TMEM135: variants seen among roughly 807,000 people sequenced by gnomAD.
The protein encoded by TMEM135 is transmembrane protein 135, also known as peroxisomal membrane protein 52.
TMEM135 carries 30 observed loss-of-function variants against 60.3 expected under a neutral mutation model. The ratio of observed to expected loss-of-function variants is 0.50; its 90% CI spans 0.37 to 0.68. TMEM135 has a LOEUF of 0.68. TMEM135 is among the 30% of genes least tolerant of loss of function. The pLI, the probability that TMEM135 is intolerant of heterozygous loss-of-function variation, is 0.00. For missense variants in TMEM135, 468 were observed against 548.8 expected, an observed-to-expected ratio of 0.85 and a Z score of 1.47; for synonymous variants, 190 against 186.7, an observed-to-expected ratio of 1.02 and a Z score of -0.14.
At chr11:87,301,559 C>T (rs114759149) in intron 7 of TMEM135, among the ~76,000 whole-genome samples, 5,307 of 152,106 alleles carry the variant, frequency 0.035, 92 homozygotes, top group Admixed American at 0.046. Context: ...GCTCAAGTTC[C>T]AGACTTTTAG....
At chr11:87,234,985 A>G (rs946560446) in intron 5 of TMEM135, among the ~76,000 whole-genome samples, 1 of 151,908 alleles carries the variant, frequency 6.6e-6, no homozygotes, top group African/African-American at 2.4e-5. Flanking sequence ...TGCAAGGGGG[A>G]CACTGATTAG....
In TMEM135 at chr11:87,324,517, G is replaced by T. The variant is rs898782499; in HGVS notation, c.*3184G>T. 6.0e-5 allele frequency: 27 copies of T among 453,336 alleles called. No homozygotes were observed. The highest frequency in any genetic ancestry group is 1.1e-4 in the Non-Finnish European group (24 of 226,694). 28.1% of individuals were successfully genotyped at this position (453,336 alleles called of 1,614,324 possible). Reference sequence around the variant, plus strand: ...GCTCATTGAAACCTCAAATTCCTTGGTTCAAGCAATTATTTCCCCTCAGTC... The same window carrying T: ...GCTCATTGAAACCTCAAATTCCTTGTTTCAAGCAATTATTTCCCCTCAGTC... On this transcript the variant is annotated 3_prime_UTR_variant, in exon 15 of 15. Coordinates refer to ENST00000305494, the MANE Select transcript of TMEM135 (RefSeq NM_022918.4).
Position 87,323,383 on chromosome 11 carries a change from A to G in TMEM135, c.*2050A>G, listed in dbSNP as rs896153034. 4.4e-6 allele frequency: 2 copies of G among 453,930 alleles called. No individual in the cohort carries two copies. The highest frequency in any genetic ancestry group is 4.0e-5 in the African/African-American group (2 of 49,998). 28.1% of individuals were successfully genotyped at this position (453,930 alleles called of 1,614,324 possible). On this transcript the variant is annotated 3_prime_UTR_variant, in exon 15 of 15. Transcript: ENST00000305494. The stretch of plus-strand genomic sequence containing the variant: ...GTTTGATTTCATTGGGACAGACTGC[A>G]AAGTGTAGTTGTTTGAGCAAACACA...
chr11:87,101,977 G>T (rs1857468272), intron 4 of TMEM135, among the ~76,000 whole-genome samples: 1 of 151,628 alleles, frequency 6.6e-6, no homozygotes, highest in Admixed American at 6.6e-5. Context: ...CCGTCTCGGG[G>T]AAAAAAAACA....
At chr11:87,177,620 C>G (rs7104793) in intron 5 of TMEM135, among the ~76,000 whole-genome samples, 25,371 of 151,978 alleles carry the variant, frequency 0.17, 2,490 homozygotes, top group African/African-American at 0.27. Context: ...ATATTTGTTG[C>G]TATCACTTCC....
chr11:87,245,944 C>T (rs1445024040), intron 6 of TMEM135, among the ~76,000 whole-genome samples: 2 of 111,308 alleles, frequency 1.8e-5, no homozygotes, highest in East Asian at 2.1e-4. Context: ...TTCTTCCTAG[C>T]CTCAATGGTC....
chr11:87,157,757 TTAAGA>T (rs528392703), intron 5 of TMEM135: 61 of 181,320 alleles, frequency 3.4e-4, no homozygotes, highest in African/African-American at 1.4e-3. Flanking sequence ...TACTTATTTC[TTAAGA>T]TAAAATAATC....
At chr11:87,041,911 G>C (rs866238611) in intron 1 of TMEM135, among the ~76,000 whole-genome samples, 12 of 152,334 alleles carry the variant, frequency 7.9e-5, no homozygotes, top group African/African-American at 2.9e-4. Flanking sequence ...TATACTTCTA[G>C]GTTGTCAAGT....
At chr11:87,171,342 T>G (rs557126447) in intron 5 of TMEM135, among the ~76,000 whole-genome samples, 4 of 151,370 alleles carry the variant, frequency 2.6e-5, no homozygotes, top group Admixed American at 2.0e-4. Flanking sequence ...TGTAGTGTTT[T>G]TTTTTTTTTT....
In TMEM135 at chr11:87,323,403, A is replaced by T. The variant is rs140420534; in HGVS notation, c.*2070A>T. The T allele has an allele frequency of 4.6e-3, 2,085 of 454,050 alleles. 12 individuals carry two copies. The highest frequency in any genetic ancestry group is 6.6e-3 in the Admixed American group (280 of 42,568). The allele number at this position is 454,050 out of a possible 1,614,324, so 28.1% of individuals were successfully genotyped here. A position where few individuals can be genotyped will look rare whatever the true frequency, so the allele number is the denominator to read the frequency against. ...ACTGCAAAGTGTAGTTGTTTGAGCA[A>T]ACACAAAGAAACTTTGTGTTTTTGA... On this transcript the variant is annotated 3_prime_UTR_variant, in exon 15 of 15. Transcript: ENST00000305494.
At chr11:87,274,829 T>TGTGTG (rs61194357) in intron 6 of TMEM135, among the ~76,000 whole-genome samples, 1 of 146,780 alleles carries the variant, frequency 6.8e-6, no homozygotes, top group South Asian at 2.2e-4. Flanking sequence ...TGTGTGTGTG[T>TGTGTG]TTATATATTT....
chr11:87,186,670 T>C (rs1939661932), intron 5 of TMEM135, among the ~76,000 whole-genome samples: 1 of 152,218 alleles, frequency 6.6e-6, no homozygotes, highest in South Asian at 2.1e-4. Context: ...CACATTGTAA[T>C]ACTCATTTAA....
At chr11:87,122,128 T>C (rs1410342775) in intron 4 of TMEM135, among the ~76,000 whole-genome samples, 1 of 152,196 alleles carries the variant, frequency 6.6e-6, no homozygotes, top group Non-Finnish European at 1.5e-5. Flanking sequence ...CATTTTGTAC[T>C]ATTTTCAGGA....
intron 3 of TMEM135, among the ~76,000 whole-genome samples, chr11:87,087,474 G>A (rs1339989836): frequency 6.6e-6 from 1 of 152,132 alleles, no homozygotes; most frequent in African/African-American, 2.4e-5. Flanking sequence ...AGCAGGGTTA[G>A]TCTAAAATGC....
chr11:87,146,239 T>A (rs557136265), intron 4 of TMEM135, among the ~76,000 whole-genome samples: 3 of 152,134 alleles, frequency 2.0e-5, no homozygotes. Context: ...GTGGAAGCCA[T>A]GTGTGGTGGC....
chr11:87,108,541 T>G (rs1857658585), intron 4 of TMEM135, among the ~76,000 whole-genome samples: 1 of 152,128 alleles, frequency 6.6e-6, no homozygotes, highest in South Asian at 2.1e-4. Context: ...CTAGTCTCTA[T>G]TTATTTCTGC....
At chr11:87,078,980 A>G (rs1348912740) in intron 3 of TMEM135, among the ~76,000 whole-genome samples, 1 of 151,672 alleles carries the variant, frequency 6.6e-6, no homozygotes, top group Non-Finnish European at 1.5e-5. Flanking sequence ...TTTAGCTCCA[A>G]GTTTTATTTT....
At position 87,324,270 on chromosome 11, in the gene TMEM135, G is replaced by C. The variant is rs758441267; in HGVS notation, c.*2937G>C. ...ATGTCCTTTACTCTCAGGGAGCTTC[G>C]TCCACTTGCCTGTGTCACAACCTCT... On this transcript the variant is annotated 3_prime_UTR_variant, in exon 15 of 15. Coordinates refer to ENST00000305494, the MANE Select transcript of TMEM135 (RefSeq NM_022918.4). 1 of 453,904 alleles carries C rather than the reference G, an allele frequency of 2.2e-6. No homozygotes were observed. Among genetic ancestry groups the C allele is most frequent in the Admixed American group, 2.4e-5 (1 of 42,552 alleles). The allele number at this position is 453,904 out of a possible 1,614,324, so 28.1% of individuals were successfully genotyped here.
intron 6 of TMEM135, among the ~76,000 whole-genome samples, chr11:87,240,859 C>T (rs1941117351): frequency 6.6e-6 from 1 of 150,540 alleles, no homozygotes; most frequent in Non-Finnish European, 1.5e-5. Flanking sequence ...AAAGCAACAA[C>T]AAATCCAAGT....
Sources: allele counts gnomAD v4.1 joint callset (sites outside exome capture counted in the v4.1 genomes callset), GRCh38; gene constraint gnomAD v4.1.1; transcripts MANE v1.5; gene names NCBI Gene and HGNC (gene_info 2026-07-23, HGNC 2026-07-21).